Variants in PRH1 observed in about 807,000 individuals in gnomAD.
PRH1 encodes the protein salivary acidic proline-rich phosphoprotein 1/2.
In PRH1, 7 loss-of-function variants were observed where a neutral mutation model predicts 7.9. That is an observed-to-expected ratio of 0.89 (90% confidence interval 0.50 to 1.67). The LOEUF is 1.67. Among genes scored for constraint, PRH1 ranks in the 40% most tolerant of loss-of-function variants. The pLI is 0.00. For synonymous variants in PRH1, 45 were observed against 80.8 expected, an observed-to-expected ratio of 0.56 and a Z score of 2.38; for missense variants, 109 against 223.6, an observed-to-expected ratio of 0.49 and a Z score of 3.27.
At chr12:11,033,947 C>T (rs1942332798) in intron 1 of PRH1, among the ~76,000 whole-genome samples, 1 of 151,834 alleles carries the variant, frequency 6.6e-6, no homozygotes, top group South Asian at 2.1e-4. Context: ...GCTAGATCCA[C>T]CTCCATTCCA....
downstream of PRH1, among the ~76,000 whole-genome samples, chr12:11,116,794 A>C (rs558018795): frequency 8.5e-5 from 13 of 152,292 alleles, no homozygotes; most frequent in South Asian, 2.7e-3. Context: ...AATGTGATAC[A>C]TCATATATAC....
At chr12:10,979,804 A>G (rs181203980) in intron 1 of PRH1, among the ~76,000 whole-genome samples, 1 of 152,298 alleles carries the variant, frequency 6.6e-6, no homozygotes, top group Admixed American at 6.5e-5. Flanking sequence ...GAGTCTATAA[A>G]ATTTGCTGAG....
intron 1 of PRH1, among the ~76,000 whole-genome samples, chr12:11,145,824 T>C (rs1251999528): frequency 2.0e-5 from 3 of 152,216 alleles, no homozygotes; most frequent in Non-Finnish European, 4.4e-5. Flanking sequence ...TCTATATCTC[T>C]TTTAATGACA....
At chr12:11,137,674 A>G (rs1054298165) in intron 1 of PRH1, among the ~76,000 whole-genome samples, 1 of 152,214 alleles carries the variant, frequency 6.6e-6, no homozygotes, top group African/African-American at 2.4e-5. Context: ...GTATTGTAAA[A>G]TAAACTACAC....
chr12:10,939,786 G>C (rs1950366018), intron 2 of PRH1, among the ~76,000 whole-genome samples: 1 of 151,972 alleles, frequency 6.6e-6, no homozygotes, highest in Non-Finnish European at 1.5e-5. Flanking sequence ...ACAGCATTGT[G>C]AATATGGTTA....
intron 1 of PRH1, chr12:11,171,188 GCCCGGGGCTACGCGCCGCACTGCA>G: frequency 2.5e-6 from 1 of 406,136 alleles, no homozygotes; most frequent in Non-Finnish European, 4.3e-6. Flanking sequence ...CGCCAGCGGC[GCCCGGGGCTACGCGCCGCACTGCA>G]CCGAGCGGCG....
chr12:10,938,586 G>A, intron 2 of PRH1: 1 of 1,613,964 alleles, frequency 6.2e-7, no homozygotes, highest in Non-Finnish European at 8.5e-7. Context: ...TTCTTGCGAT[G>A]TTTCCACATG....
intron 1 of PRH1, chr12:10,997,212 T>G: frequency 6.2e-7 from 1 of 1,613,918 alleles, no homozygotes; most frequent in Non-Finnish European, 8.5e-7. Flanking sequence ...ATGTGGATCT[T>G]GGTGCTGGGA....
intron 1 of PRH1, chr12:11,078,452 T>C: frequency 6.3e-6 from 1 of 159,770 alleles, no homozygotes. Context: ...TAGAAAATAT[T>C]GTTATTCTCA....
chr12:10,951,222 A>G (rs1411655767), intron 2 of PRH1, among the ~76,000 whole-genome samples: 2 of 152,152 alleles, frequency 1.3e-5, no homozygotes, highest in African/African-American at 4.8e-5. Flanking sequence ...ATGAAGACAT[A>G]TTCTCTTTCA....
intron 2 of PRH1, among the ~76,000 whole-genome samples, chr12:10,916,465 A>C (rs1423526859): frequency 1.3e-5 from 2 of 152,122 alleles, no homozygotes; most frequent in Non-Finnish European, 2.9e-5. Context: ...AATGAGACTT[A>C]TATTCTTCCC....
At chr12:11,163,467 T>C (rs1335182982) in intron 1 of PRH1, among the ~76,000 whole-genome samples, 3 of 152,232 alleles carry the variant, frequency 2.0e-5, no homozygotes, top group Non-Finnish European at 4.4e-5. Flanking sequence ...GAAGGATATA[T>C]GCTAAGATAA....
intron 1 of PRH1, among the ~76,000 whole-genome samples, chr12:10,976,959 G>GA (rs1474587169): frequency 4.6e-5 from 7 of 152,102 alleles, no homozygotes; most frequent in Non-Finnish European, 8.8e-5. Context: ...GGACCAGACA[G>GA]ATTCACAGCT....
intron 1 of PRH1, chr12:11,022,485 T>C: frequency 1.2e-6 from 2 of 1,613,604 alleles, no homozygotes; most frequent in Non-Finnish European, 1.7e-6. Flanking sequence ...TGACATTTAC[T>C]AGGGCTATGA....
Position 10,883,916 on chromosome 12 carries a change from A to G in PRH1, c.64+238T>C, listed in dbSNP as rs555519118. Among the ~76,000 whole-genome samples, 4 of 152,238 alleles carry G rather than the reference A, an allele frequency of 2.6e-5. No homozygotes were observed. The East Asian group carries it at 7.7e-4, about 29-fold the overall frequency. On this transcript the variant is annotated intron_variant, in intron 1 of 3. Transcript: ENST00000543626. ...CAGTCCCATGTCTCTATATAATGCA[A>G]ATCTCACTCTCTCACACCCCTAGTA...
At chr12:11,068,484 C>T (rs1943918915) in intron 1 of PRH1, among the ~76,000 whole-genome samples, 1 of 152,108 alleles carries the variant, frequency 6.6e-6, no homozygotes, top group Non-Finnish European at 1.5e-5. Context: ...GTATAGTATT[C>T]CATTGTATAA....
intron 2 of PRH1, among the ~76,000 whole-genome samples, chr12:10,921,113 C>A (rs1950039242): frequency 6.6e-6 from 1 of 151,472 alleles, no homozygotes; most frequent in Non-Finnish European, 1.5e-5. Flanking sequence ...CAGTTTTGTG[C>A]CTGTATCTAA....
At chr12:10,972,933 C>CCCT (rs948766984) in intron 2 of PRH1, among the ~76,000 whole-genome samples, 1 of 105,792 alleles carries the variant, frequency 9.5e-6, no homozygotes, top group Non-Finnish European at 2.0e-5. Context: ...CCACAACCCA[C>CCCT]CCCCCCCGCC....
intron 2 of PRH1, among the ~76,000 whole-genome samples, chr12:10,948,569 T>C (rs1950522785): frequency 6.6e-6 from 1 of 152,240 alleles, no homozygotes; most frequent in Non-Finnish European, 1.5e-5. Context: ...TTGGGTTTTG[T>C]CTTCCTCCCA....
Sources: allele counts gnomAD v4.1 joint callset (sites outside exome capture counted in the v4.1 genomes callset), GRCh38; gene constraint gnomAD v4.1.1; transcripts MANE v1.5; gene names NCBI Gene and HGNC (gene_info 2026-07-23, HGNC 2026-07-21).